PTPRD: variants seen among roughly 807,000 people sequenced by gnomAD.
PTPRD encodes receptor-type tyrosine-protein phosphatase delta.
Under a neutral mutation model 214.5 loss-of-function variants are expected in PTPRD, and 34 were observed. That is an observed-to-expected ratio of 0.16 (90% CI 0.12 to 0.21). The LOEUF (loss-of-function observed/expected upper bound fraction) is 0.21, where lower values mean the gene tolerates loss of function less well. Ranked by LOEUF, PTPRD falls within the 10% of genes least tolerant of loss-of-function variation. The pLI is 1.00. For synonymous variants in PTPRD, 1,128 were observed against 845.7 expected (o/e 1.33, Z -5.79); for missense variants, 2,545 against 2,398.7 (o/e 1.06, Z -1.27).
At chr9:9,280,335 T>C (rs964528033) in intron 9 of PTPRD, among the ~76,000 whole-genome samples, 2 of 151,208 alleles carry the variant, frequency 1.3e-5, no homozygotes, top group Non-Finnish European at 3.0e-5. Context: ...AATAGGGAAA[T>C]ATAACATATA....
intron 8 of PTPRD, among the ~76,000 whole-genome samples, chr9:9,523,598 T>G (rs2097046809): frequency 6.6e-6 from 1 of 152,260 alleles, no homozygotes; most frequent in African/African-American, 2.4e-5. Context: ...CTGCTTTCAC[T>G]GAAACTGCCC....
At chr9:9,232,583 G>T (rs185807440) in intron 9 of PTPRD, among the ~76,000 whole-genome samples, 80 of 152,090 alleles carry the variant, frequency 5.3e-4, no homozygotes, top group African/African-American at 1.9e-3. Context: ...AGTTCTTTTT[G>T]AATCAATATA....
chr9:10,152,159 A>G (rs1363422562), intron 3 of PTPRD, among the ~76,000 whole-genome samples: 6 of 152,224 alleles, frequency 3.9e-5, no homozygotes, highest in Non-Finnish European at 8.8e-5. Context: ...TCCCACAAGC[A>G]AAGTATGAGA....
chr9:10,076,289 C>T (rs1301904158), intron 3 of PTPRD, among the ~76,000 whole-genome samples: 1 of 152,062 alleles, frequency 6.6e-6, no homozygotes, highest in East Asian at 1.9e-4. Flanking sequence ...ACTCATCATC[C>T]TATACTGCTC....
At chr9:8,900,123 A>G (rs2098655552) in intron 11 of PTPRD, among the ~76,000 whole-genome samples, 1 of 152,182 alleles carries the variant, frequency 6.6e-6, no homozygotes, top group Non-Finnish European at 1.5e-5. Flanking sequence ...TAAGGCCGTG[A>G]GCGGACTTAT....
chr9:8,500,296 A>C (rs2136895472), intron 24 of PTPRD, among the ~76,000 whole-genome samples: 1 of 152,002 alleles, frequency 6.6e-6, no homozygotes, highest in East Asian at 1.9e-4. Flanking sequence ...TTCTCATATC[A>C]AAGTTATTCC....
At chr9:9,316,256 C>G (rs1181869159) in intron 9 of PTPRD, among the ~76,000 whole-genome samples, 1 of 151,976 alleles carries the variant, frequency 6.6e-6, no homozygotes, top group Non-Finnish European at 1.5e-5. Context: ...CCCCTACCGT[C>G]TCTCTTATAC....
At chr9:10,417,208 T>C (rs895323279) in intron 2 of PTPRD, among the ~76,000 whole-genome samples, 1 of 151,972 alleles carries the variant, frequency 6.6e-6, no homozygotes, top group African/African-American at 2.4e-5. Context: ...TAGTTCAACC[T>C]AGTCAATCAA....
intron 7 of PTPRD, among the ~76,000 whole-genome samples, chr9:9,589,586 G>A (rs966096307): frequency 6.6e-6 from 1 of 151,910 alleles, no homozygotes; most frequent in Non-Finnish European, 1.5e-5. Context: ...ATGTTTAACA[G>A]CATTAGATAA....
chr9:9,359,226 A>G (rs567837697), intron 9 of PTPRD, among the ~76,000 whole-genome samples: 6 of 151,316 alleles, frequency 4.0e-5, no homozygotes, highest in African/African-American at 1.5e-4. Flanking sequence ...CTTTTTAAAA[A>G]GAGAGGTCTA....
intron 11 of PTPRD, among the ~76,000 whole-genome samples, chr9:8,811,423 C>A (rs941364513): frequency 1.3e-5 from 2 of 152,162 alleles, no homozygotes; most frequent in Admixed American, 1.3e-4. Context: ...AATCTGCCAA[C>A]TGAATTAGTC....
intron 8 of PTPRD, among the ~76,000 whole-genome samples, chr9:9,465,042 A>C (rs2094018318): frequency 6.6e-6 from 1 of 152,208 alleles, no homozygotes; most frequent in African/African-American, 2.4e-5. Context: ...GGTATTTTCC[A>C]TATTTACAAA....
chr9:8,553,322 A>G (rs569324292), intron 14 of PTPRD, among the ~76,000 whole-genome samples: 7 of 152,316 alleles, frequency 4.6e-5, no homozygotes, highest in African/African-American at 9.6e-5. Context: ...AAAATAGTCA[A>G]TGTGGAGTTG....
intron 9 of PTPRD, among the ~76,000 whole-genome samples, chr9:9,323,042 C>G (rs920516153): frequency 2.0e-5 from 3 of 152,114 alleles, no homozygotes; most frequent in Admixed American, 6.5e-5. Context: ...TTTTAAGTTA[C>G]TGTTTACAAT....
intron 3 of PTPRD, among the ~76,000 whole-genome samples, chr9:10,075,101 C>T (rs968013539): frequency 1.3e-5 from 2 of 152,060 alleles, no homozygotes; most frequent in Non-Finnish European, 2.9e-5. Context: ...ATGGGCATCA[C>T]ATGAAGATTT....
At chr9:10,200,107 A>G (rs183024131) in intron 3 of PTPRD, among the ~76,000 whole-genome samples, 192 of 152,192 alleles carry the variant, frequency 1.3e-3, no homozygotes, top group Middle Eastern at 3.4e-3. Flanking sequence ...GTGACGTGCA[A>G]TATGTACTTC....
intron 8 of PTPRD, among the ~76,000 whole-genome samples, chr9:9,442,724 G>T (rs759615025): frequency 6.6e-6 from 1 of 152,154 alleles, no homozygotes; most frequent in Non-Finnish European, 1.5e-5. Flanking sequence ...AAGAAACAGA[G>T]AATGTTGCCA....
chr9:10,546,086 C>T (rs2060111444), intron 2 of PTPRD, among the ~76,000 whole-genome samples: 1 of 152,044 alleles, frequency 6.6e-6, no homozygotes. Context: ...CTTTATCCTA[C>T]CAGTAATTAT....
chr9:10,116,105 T>G (rs899881134), intron 3 of PTPRD, among the ~76,000 whole-genome samples: 2 of 152,104 alleles, frequency 1.3e-5, no homozygotes, highest in Admixed American at 1.3e-4. Context: ...GGGAGTAAAG[T>G]TCAACATAAA....
Sources: allele counts gnomAD v4.1 joint callset (sites outside exome capture counted in the v4.1 genomes callset), GRCh38; gene constraint gnomAD v4.1.1; transcripts MANE v1.5; gene names NCBI Gene and HGNC (gene_info 2026-07-23, HGNC 2026-07-21).